Variants in PSD3 observed in about 807,000 individuals in gnomAD.
PSD3 encodes PH and SEC7 domain-containing protein 3.
PSD3 carries 49 observed loss-of-function variants against 105.5 expected under a neutral mutation model. The ratio of observed to expected loss-of-function variants is 0.46; its 90% CI spans 0.37 to 0.59. The LOEUF is 0.59. Ranked by LOEUF, PSD3 falls within the 20% of genes least tolerant of loss-of-function variation. The pLI is 0.00. For synonymous variants in PSD3, 557 were observed against 457.8 expected (o/e 1.22, Z -2.77); for missense variants, 1,561 against 1,263.8 (o/e 1.24, Z -3.57).
chr8:18,710,304 G>T (rs1311791856), intron 9 of PSD3, among the ~76,000 whole-genome samples: 1 of 152,080 alleles, frequency 6.6e-6, no homozygotes, highest in Non-Finnish European at 1.5e-5. Context: ...GAAAAAAAAT[G>T]AGAAGGAATG....
At chr8:18,833,616 T>C (rs1241661017) in intron 4 of PSD3, among the ~76,000 whole-genome samples, 1 of 152,226 alleles carries the variant, frequency 6.6e-6, no homozygotes, top group Non-Finnish European at 1.5e-5. Context: ...TTCATTCCTG[T>C]ATTTGCTGTG....
intron 1 of PSD3, among the ~76,000 whole-genome samples, chr8:19,055,108 C>G (rs1828664345): frequency 6.6e-6 from 1 of 152,118 alleles, no homozygotes; most frequent in Admixed American, 6.5e-5. Context: ...GTTGCATGAG[C>G]AAGAAATAAG....
chr8:18,661,396 C>T (rs148086775), intron 9 of PSD3, among the ~76,000 whole-genome samples: 1 of 152,286 alleles, frequency 6.6e-6, no homozygotes, highest in African/African-American at 2.4e-5. Context: ...ACCACTCTGG[C>T]AGTGTTATCA....
Position 18,534,862 on chromosome 8 carries a change from T to G in PSD3, c.*881A>C, listed in dbSNP as rs1423119435. On this transcript the variant is annotated 3_prime_UTR_variant, in exon 16 of 16. Transcript: ENST00000327040. Reference sequence around the variant, plus strand: ...AGAGTAAGAAAAATCTATTCCTGGATGGAAGGATATCAACGATAGAGATGA... The same window carrying G: ...AGAGTAAGAAAAATCTATTCCTGGAGGGAAGGATATCAACGATAGAGATGA... 6.6e-6 allele frequency: 1 copy of G among 152,496 alleles called. No individual in the cohort carries two copies. The highest frequency in any genetic ancestry group is 2.4e-5 in the African/African-American group (1 of 41,382). 9.4% of individuals were successfully genotyped at this position (152,496 alleles called of 1,614,324 possible). A position where few individuals can be genotyped will look rare whatever the true frequency, so the allele number is the denominator to read the frequency against.
At chr8:18,974,097 G>A (rs1022941212) in intron 1 of PSD3, among the ~76,000 whole-genome samples, 5 of 152,074 alleles carry the variant, frequency 3.3e-5, no homozygotes, top group South Asian at 2.1e-4. Context: ...AGAAGAAAAC[G>A]AAAATACTAA....
intron 12 of PSD3, among the ~76,000 whole-genome samples, chr8:18,580,100 T>C (rs1292047642): frequency 6.6e-6 from 1 of 152,216 alleles, no homozygotes; most frequent in African/African-American, 2.4e-5. Flanking sequence ...ATGCTAAGTA[T>C]GTCTGATTAG....
Position 18,949,091 on chromosome 8 carries a change from G to A in PSD3, c.22-12949C>T, listed in dbSNP as rs536862710. On this transcript the variant is annotated intron_variant, in intron 1 of 15. Coordinates refer to ENST00000327040, the MANE Select transcript of PSD3 (RefSeq NM_015310.4). ...CAAAAAATTAGCCGGGCGTGGTGGC[G>A]GGCCCCTGTAGTCCCAGCTACTCGG... is the stretch of plus-strand genomic sequence containing the variant. 8.3e-4 allele frequency among the ~76,000 whole-genome samples: 123 copies of A among 148,858 alleles called. 1 individual carries two copies. The highest frequency in any genetic ancestry group is 2.7e-3 in the African/African-American group (109 of 40,790).
At chr8:18,909,505 A>C (rs1049375402) in intron 2 of PSD3, among the ~76,000 whole-genome samples, 7 of 152,104 alleles carry the variant, frequency 4.6e-5, no homozygotes, top group Non-Finnish European at 7.4e-5. Flanking sequence ...TTTAAGAGGA[A>C]GCCTTGCCCT....
chr8:18,565,978 C>T (rs2130260052), intron 14 of PSD3, among the ~76,000 whole-genome samples: 1 of 152,190 alleles, frequency 6.6e-6, no homozygotes, highest in East Asian at 1.9e-4. Flanking sequence ...AATGTTAATG[C>T]TGCTGCGCTC....
intron 1 of PSD3, among the ~76,000 whole-genome samples, chr8:18,950,758 C>T (rs7815062): frequency 5.9e-5 from 9 of 151,826 alleles, no homozygotes; most frequent in Non-Finnish European, 8.8e-5. Context: ...TAAAATTCCA[C>T]GACCCATTTG....
chr8:18,693,578 C>A (rs978253503), intron 9 of PSD3, among the ~76,000 whole-genome samples: 6 of 152,150 alleles, frequency 3.9e-5, no homozygotes, highest in Non-Finnish European at 8.8e-5. Flanking sequence ...AAGGTATAAG[C>A]CATGTGACCT....
chr8:19,062,598 G>A (rs180718689), intron 1 of PSD3, among the ~76,000 whole-genome samples: 2 of 152,150 alleles, frequency 1.3e-5, no homozygotes, highest in East Asian at 3.9e-4. Flanking sequence ...AGAATCTTTA[G>A]ATTTATTATT....
rs892999284 is a variant in PSD3 at position 18,936,210 on chromosome 8, T to G, written c.22-68A>C. The G allele has an allele frequency of 4.0e-6, 4 of 1,002,880 alleles. No homozygotes were observed. In the African/African-American group the frequency reaches 4.8e-5, roughly 12 times the overall value. 62.1% of individuals were successfully genotyped at this position (1,002,880 alleles called of 1,614,324 possible). A position where few individuals can be genotyped will look rare whatever the true frequency, so the allele number is the denominator to read the frequency against. On this transcript the variant is annotated intron_variant, in intron 1 of 15. Coordinates refer to ENST00000327040, the MANE Select transcript of PSD3 (RefSeq NM_015310.4). ...ATTAAAAAACACATCATAAAACAAA[T>G]TATCCAACATGAGATTGGTAAAATA...
intron 9 of PSD3, among the ~76,000 whole-genome samples, chr8:18,741,299 T>A (rs560993114): frequency 1.3e-5 from 2 of 152,280 alleles, no homozygotes; most frequent in Admixed American, 6.5e-5. Context: ...GAAAGTGGAC[T>A]CTGAAAGCCT....
At chr8:19,034,370 C>T (rs763181543) in intron 1 of PSD3, among the ~76,000 whole-genome samples, 1 of 152,150 alleles carries the variant, frequency 6.6e-6, no homozygotes, top group Non-Finnish European at 1.5e-5. Context: ...TCATATGGAC[C>T]TGGAAATCAT....
intron 2 of PSD3, among the ~76,000 whole-genome samples, chr8:18,911,674 T>G (rs1340614049): frequency 2.0e-5 from 3 of 152,160 alleles, no homozygotes; most frequent in Non-Finnish European, 2.9e-5. Flanking sequence ...GAAAATGAAA[T>G]CTTTATGTTT....
chr8:18,968,444 T>A (rs1417602719), intron 1 of PSD3, among the ~76,000 whole-genome samples: 1 of 152,210 alleles, frequency 6.6e-6, no homozygotes, highest in African/African-American at 2.4e-5. Context: ...GAGCAAATCA[T>A]TTGGAATTCC....
At chr8:18,907,420 C>T (rs1431963288) in intron 2 of PSD3, among the ~76,000 whole-genome samples, 6 of 152,136 alleles carry the variant, frequency 3.9e-5, no homozygotes, top group Non-Finnish European at 5.9e-5. Context: ...AGTGATCCTC[C>T]CACCTTAGCC....
At chr8:18,672,292 TA>T (rs1006505271) in intron 9 of PSD3, among the ~76,000 whole-genome samples, 15 of 147,028 alleles carry the variant, frequency 1.0e-4, no homozygotes, top group Admixed American at 2.0e-4. Context: ...CACAGTTTAT[TA>T]AAAAAAAAAA....
Sources: allele counts gnomAD v4.1 joint callset (sites outside exome capture counted in the v4.1 genomes callset), GRCh38; gene constraint gnomAD v4.1.1; transcripts MANE v1.5; gene names NCBI Gene and HGNC (gene_info 2026-07-23, HGNC 2026-07-21).